LMO7: variants seen among roughly 807,000 people sequenced by gnomAD.
The protein encoded by LMO7 is LIM domain 7.
In LMO7, 120 loss-of-function variants were observed where a neutral mutation model predicts 206.5. That is an observed-to-expected ratio of 0.58 (90% confidence interval 0.50 to 0.68). The LOEUF (loss-of-function observed/expected upper bound fraction) is 0.68, where lower values mean the gene tolerates loss of function less well. Ranked by LOEUF, LMO7 falls within the 30% of genes least tolerant of loss-of-function variation. The pLI, the probability that LMO7 is intolerant of heterozygous loss-of-function variation, is 0.00. For missense variants in LMO7, 1,959 were observed against 1,957.9 expected (o/e 1.00, Z -0.01); for synonymous variants, 706 against 681.5 (o/e 1.04, Z -0.56).
chr13:75,670,966 C>CTTTTTTT (rs552236505), intron 1 of LMO7, among the ~76,000 whole-genome samples: 7,707 of 99,304 alleles, frequency 0.078, 426 homozygotes, highest in Middle Eastern at 0.15. Flanking sequence ...ATGTTTAAAA[C>CTTTTTTT]TTTTTTTTTT....
chr13:75,829,393 A>G (rs1374781454), intron 15 of LMO7, among the ~76,000 whole-genome samples: 1 of 152,138 alleles, frequency 6.6e-6, no homozygotes, highest in Non-Finnish European at 1.5e-5. Flanking sequence ...GGTGTATTAT[A>G]GAAACACTAC....
At chr13:75,795,329 GTTTT>G in intron 4 of LMO7, 68 bp from the exon 5 acceptor site, 2 of 1,023,754 alleles carry the variant, frequency 2.0e-6, no homozygotes, top group Non-Finnish European at 2.9e-6. Context: ...ATAAAAATGA[GTTTT>G]TTTCTAGCTA....
upstream of LMO7, among the ~76,000 whole-genome samples, chr13:75,634,482 T>A (rs1432514697): frequency 6.6e-6 from 1 of 151,762 alleles, no homozygotes; most frequent in Non-Finnish European, 1.5e-5. Flanking sequence ...GGCTCACGCC[T>A]GTAATCAAAG....
intron 15 of LMO7, among the ~76,000 whole-genome samples, chr13:75,830,600 C>T (rs1186401846): frequency 6.6e-6 from 1 of 152,186 alleles, no homozygotes; most frequent in Non-Finnish European, 1.5e-5. Context: ...GCCACAGGGA[C>T]ACTGTCCTTC....
chr13:75,766,222 T>C (rs1168341981), intron 4 of LMO7, among the ~76,000 whole-genome samples: 4 of 146,098 alleles, frequency 2.7e-5, no homozygotes, highest in Middle Eastern at 3.4e-3. Flanking sequence ...CTGAAATACC[T>C]GTAGTTCCCT....
intron 11 of LMO7, among the ~76,000 whole-genome samples, 158 bp downstream of exon 11, chr13:75,809,341 T>C (rs1410610766): frequency 6.6e-6 from 1 of 152,240 alleles, no homozygotes; most frequent in Non-Finnish European, 1.5e-5. Flanking sequence ...CTAATGGTAA[T>C]ATTTCTGTGT....
rs766977594 is a variant in LMO7, at chr13:75,760,059, C to CT, written c.211-861dup. 7.1e-3 allele frequency among the ~76,000 whole-genome samples: 990 copies of CT among 139,648 alleles called. 10 individuals are homozygous for CT. Among genetic ancestry groups the CT allele is most frequent in the Admixed American group, 0.013 (186 of 14,084 alleles). 91.6% of individuals were successfully genotyped at this position (139,648 alleles called of 152,430 possible). Reference sequence around the variant, plus strand: ...CCATAAAGTGTTTTCTTTTCTTCTTCTTTTTTTTTTTTAGAGTAGTAGAGA... The same window carrying CT: ...CCATAAAGTGTTTTCTTTTCTTCTTCTTTTTTTTTTTTTAGAGTAGTAGAGA... On this transcript the variant is annotated intron_variant, in intron 3 of 30. Coordinates refer to ENST00000377534, the MANE Select transcript of LMO7 (RefSeq NM_001306080.2).
At chr13:75,637,385 A>G (rs920774223) in intron 1 of LMO7, among the ~76,000 whole-genome samples, 1 of 152,188 alleles carries the variant, frequency 6.6e-6, no homozygotes, top group Non-Finnish European at 1.5e-5. Context: ...TGTGCCTCAC[A>G]GACAAGATCT....
chr13:75,840,473 A>G lies in LMO7; in HGVS notation c.3560A>G (p.Lys1187Arg). The change falls in exon 22 of 31, where the codon AAG becomes AGG. Residue 1187 changes from lysine (K) to arginine (R), a missense_variant. By Grantham distance (26) the Lys-to-Arg change is conservative (BLOSUM62 2). Coordinates refer to ENST00000377534, the MANE Select transcript of LMO7 (RefSeq NM_001306080.2). ...CGGAAGCGGCAGGAGAGGTGGCAGAAGGAGCAGGACCGCCTACTGCAGGTA... is the reference window on the plus strand; with the variant it reads ...CGGAAGCGGCAGGAGAGGTGGCAGAGGGAGCAGGACCGCCTACTGCAGGTA... ...EERKRQERWQ[K>R]EQDRLLQEKY... The G allele has an allele frequency of 6.2e-7, 1 of 1,613,972 alleles. No homozygotes were observed. Among genetic ancestry groups the G allele is most frequent in the Non-Finnish European group, 8.5e-7 (1 of 1,179,956 alleles).
At chr13:75,728,879 G>A (rs1282646761) in intron 3 of LMO7, among the ~76,000 whole-genome samples, 1 of 144,352 alleles carries the variant, frequency 6.9e-6, no homozygotes, top group Non-Finnish European at 1.5e-5. Context: ...TTATTAAATA[G>A]GGAATCCTTT....
At chr13:75,732,535 T>C (rs936950029) in intron 3 of LMO7, among the ~76,000 whole-genome samples, 1 of 152,192 alleles carries the variant, frequency 6.6e-6, no homozygotes, top group Non-Finnish European at 1.5e-5. Context: ...TCTAAATTTT[T>C]TTCAAAGTTT....
chr13:75,670,618 G>A (rs2039476958), intron 1 of LMO7, among the ~76,000 whole-genome samples: 1 of 152,120 alleles, frequency 6.6e-6, no homozygotes, highest in Non-Finnish European at 1.5e-5. Flanking sequence ...TAAAAGATAA[G>A]AAATGCTACA....
rs1423744076 is a variant in LMO7 at position 75,647,943 on chromosome 13, T to TTTTC, written c.69+11225_69+11228dup. Among the ~76,000 whole-genome samples the TTTTC allele has an allele frequency of 4.2e-3, 478 of 114,446 alleles. 84 individuals carry two copies. The highest frequency in any genetic ancestry group is 0.025 in the Middle Eastern group (6 of 242). The allele number at this position is 114,446 out of a possible 152,430, so 75.1% of individuals were successfully genotyped here. On this transcript the variant is annotated intron_variant, in intron 1 of 30. Transcript: ENST00000377534. ...TCCAAACTGATTTTCTCTTGTTTTC[T>TTTTC]TTTCTTTCTTTTTTTTTTTTTTTTT...
At chr13:75,662,500 G>T (rs2038695409) in intron 1 of LMO7, among the ~76,000 whole-genome samples, 1 of 152,058 alleles carries the variant, frequency 6.6e-6, no homozygotes, top group Non-Finnish European at 1.5e-5. Flanking sequence ...TGTATTTTTT[G>T]CAGAGACGGG....
intron 1 of LMO7, among the ~76,000 whole-genome samples, chr13:75,648,025 A>G (rs2037209113): frequency 1.5e-5 from 2 of 137,228 alleles, no homozygotes. Flanking sequence ...ATAGCTGACT[A>G]CAGGCTTGAA....
At chr13:75,780,288 C>T (rs781460355) in intron 4 of LMO7, among the ~76,000 whole-genome samples, 2 of 152,106 alleles carry the variant, frequency 1.3e-5, no homozygotes, top group South Asian at 2.1e-4. Flanking sequence ...GAGACCAGGG[C>T]GTATTTCATC....
At chr13:75,655,288 A>G (rs2037950148) in intron 1 of LMO7, among the ~76,000 whole-genome samples, 1 of 152,198 alleles carries the variant, frequency 6.6e-6, no homozygotes, top group African/African-American at 2.4e-5. Context: ...TGAAGCGTGT[A>G]GAGTTTTTCC....
At chr13:75,787,465 G>A (rs2052614496) in intron 4 of LMO7, among the ~76,000 whole-genome samples, 1 of 152,174 alleles carries the variant, frequency 6.6e-6, no homozygotes, top group Admixed American at 6.5e-5. Context: ...TCTTAGTAGT[G>A]TGTGGGAGAG....
In LMO7 at chr13:75,622,770, G is replaced by A. The variant is rs759736171; in HGVS notation, c.176-501G>A. 1.1e-4 allele frequency among the ~76,000 whole-genome samples: 17 copies of A among 152,142 alleles called. 1 individual carries two copies. The highest frequency in any genetic ancestry group is 1.3e-4 in the Non-Finnish European group (9 of 68,024). ...AGAAGATTTTATTGTGTTTTATTGC[G>A]TTGGCTGAATATATCAGGATACCAA... On this transcript the variant is annotated intron_variant, in intron 1 of 29. Transcript: ENST00000341547.
Sources: allele counts gnomAD v4.1 joint callset (sites outside exome capture counted in the v4.1 genomes callset), GRCh38; gene constraint gnomAD v4.1.1; transcripts MANE v1.5; gene names NCBI Gene and HGNC (gene_info 2026-07-23, HGNC 2026-07-21).